Variants in DDRGK1 observed in about 807,000 individuals in gnomAD.
DDRGK1 encodes the protein DDRGK domain-containing protein 1.
DDRGK1 carries 38 observed loss-of-function variants against 45.8 expected under a neutral mutation model. That is an observed-to-expected ratio of 0.83 (90% CI 0.64 to 1.09). DDRGK1 has a LOEUF of 1.09. Ranked by LOEUF, DDRGK1 falls within the 50% of genes least tolerant of loss-of-function variation. The pLI is 0.00. For synonymous variants in DDRGK1, 171 were observed against 168.7 expected, an observed-to-expected ratio of 1.01 and a Z score of -0.11; for missense variants, 403 against 419.9, an observed-to-expected ratio of 0.96 and a Z score of 0.35.
At position 3,204,596 on chromosome 20, in the gene DDRGK1, G is replaced by A. The variant is rs1197012566; in HGVS notation, c.32C>T (p.Ala11Val). The A allele has an allele frequency of 6.3e-7, 1 of 1,589,372 alleles. No homozygotes were observed. The highest frequency in any genetic ancestry group is 2.3e-5 in the East Asian group (1 of 44,100). MVAPVWYLVA[A>V]ALLVGFILFL... ...GAGGATAAAGCCGACTAGCAGAGCC[G>A]CCGCTACCAAGTACCACACAGGCGC... Residue 11 changes from alanine to valine, a missense_variant, in exon 1 of 9, where the codon GCG (alanine) becomes GTG (valine). Transcript: ENST00000354488.
chr20:3,195,990 A>G (rs1247075468), intron 4 of DDRGK1, among the ~76,000 whole-genome samples: 1 of 151,874 alleles, frequency 6.6e-6, no homozygotes, highest in Non-Finnish European at 1.5e-5. Context: ...TTCATCATTC[A>G]GCCCTGCCTC....
chr20:3,199,442 C>CA (rs537639381), intron 4 of DDRGK1, among the ~76,000 whole-genome samples: 7 of 152,182 alleles, frequency 4.6e-5, no homozygotes, highest in Non-Finnish European at 8.8e-5. Flanking sequence ...ACAGGTCAGT[C>CA]AGAGGTCACA....
chr20:3,195,592 C>T (rs897694985), intron 4 of DDRGK1, among the ~76,000 whole-genome samples: 18 of 152,104 alleles, frequency 1.2e-4, no homozygotes, highest in Admixed American at 6.6e-4. Flanking sequence ...TCCCGCCCTC[C>T]GTGCTCAGGG....
At chr20:3,199,926 G>A (rs2067028183) in intron 4 of DDRGK1, 75 bp downstream of exon 4, 1 of 1,381,994 alleles carries the variant, frequency 7.2e-7, no homozygotes, top group Middle Eastern at 1.8e-4. Flanking sequence ...GGTTGGAGGT[G>A]CCAGGGAGCT....
chr20:3,198,352 C>T (rs2067020718), intron 4 of DDRGK1, among the ~76,000 whole-genome samples: 1 of 141,420 alleles, frequency 7.1e-6, no homozygotes, highest in South Asian at 2.3e-4. Context: ...TGCAGTGAGC[C>T]GAGATCGTGC....
At chr20:3,192,457 C>A (rs1398493392) in intron 6 of DDRGK1, among the ~76,000 whole-genome samples, 1 of 152,186 alleles carries the variant, frequency 6.6e-6, no homozygotes. Context: ...GCTGTGGGGG[C>A]CCACTCCTGC....
chr20:3,204,494 G>C (rs2067057066), intron 1 of DDRGK1, 43 bp downstream of exon 1: 2 of 1,532,944 alleles, frequency 1.3e-6, no homozygotes, highest in Non-Finnish European at 1.7e-6. Flanking sequence ...CAGAAGGCCA[G>C]AAAACCCGGT....
chr20:3,191,680 A>C, intron 7 of DDRGK1, 85 bp downstream of exon 7: 1 of 1,451,668 alleles, frequency 6.9e-7, no homozygotes, highest in South Asian at 1.2e-5. Flanking sequence ...CGGTGCATCA[A>C]GACTCTATCT....
chr20:3,194,500 G>C (rs1380173153), intron 6 of DDRGK1, among the ~76,000 whole-genome samples: 1 of 152,250 alleles, frequency 6.6e-6, no homozygotes, highest in Admixed American at 6.5e-5. Flanking sequence ...GCCTCAGTGT[G>C]ACAGAACTGA....
Position 3,203,399 on chromosome 20 carries a change from G to A in DDRGK1, c.109C>T (p.His37Tyr), listed in dbSNP as rs1293963071. The A allele has an allele frequency of 2.5e-6, 4 of 1,584,174 alleles. No individual in the cohort carries two copies. In the African/African-American group the frequency reaches 5.4e-5, roughly 22 times the overall value. The change falls in exon 2 of 9, where the codon CAC (histidine) becomes TAC (tyrosine). Residue 37 changes from histidine to tyrosine, a missense_variant. By Grantham distance (83) the His-to-Tyr change is moderately conservative (BLOSUM62 2). Transcript: ENST00000354488. ...CCTGCTCCTGCCAGCTCCTCATTGTGCAGTGGCTCTTGGCCGGCTGTAGGG... is the reference window on the plus strand; with the variant it reads ...CCTGCTCCTGCCAGCTCCTCATTGTACAGTGGCTCTTGGCCGGCTGTAGGG... ...RAASAGQEPL[H>Y]NEELAGAGRV... is the part of the protein sequence containing the mutation.
At chr20:3,195,061 C>A (rs1285357477) in intron 5 of DDRGK1, among the ~76,000 whole-genome samples, 170 bp downstream of exon 5, 1 of 152,206 alleles carries the variant, frequency 6.6e-6, no homozygotes, top group Non-Finnish European at 1.5e-5. Flanking sequence ...TCGGAGGCAC[C>A]AGCCTCTGCT....
At chr20:3,192,385 G>A (rs1375522583) in intron 6 of DDRGK1, among the ~76,000 whole-genome samples, 1 of 152,206 alleles carries the variant, frequency 6.6e-6, no homozygotes, top group Non-Finnish European at 1.5e-5. Context: ...TGAGACAGGT[G>A]AGTACATGGA....
chr20:3,195,181 G>A (rs6084290), intron 5 of DDRGK1, 50 bp downstream of exon 5: 2 of 1,612,936 alleles, frequency 1.2e-6, no homozygotes, highest in South Asian at 1.1e-5. Flanking sequence ...GTCTGGCACA[G>A]GCTGCACTGA....
chr20:3,204,673 G>C lies in DDRGK1; in HGVS notation c.-46C>G, dbSNP rs964680661. On this transcript the variant is annotated 5_prime_UTR_variant, in exon 1 of 9. The change creates a new upstream start codon in the 5' untranslated region. Transcript: ENST00000354488. ...ACCACTGCGTCCACCCTGAGGCCGG[G>C]ATCTCATAGGCCCCGCCCCTATTTC... 4.6e-6 allele frequency: 7 copies of C among 1,527,060 alleles called. No homozygotes were observed. Among genetic ancestry groups the C allele is most frequent in the Non-Finnish European group, 5.3e-6 (6 of 1,135,398 alleles). The allele number at this position is 1,527,060 out of a possible 1,614,324, so 94.6% of individuals were successfully genotyped here. A position where few individuals can be genotyped will look rare whatever the true frequency, so the allele number is the denominator to read the frequency against.
intron 6 of DDRGK1, among the ~76,000 whole-genome samples, chr20:3,193,559 T>C (rs1301487958): frequency 6.6e-6 from 1 of 152,044 alleles, no homozygotes; most frequent in African/African-American, 2.4e-5. Flanking sequence ...TTAGCAGAGA[T>C]GGGGTTTCAG....
In DDRGK1 at chr20:3,194,871, A is replaced by G. The variant is rs776556892; in HGVS notation, c.634-3T>C. 2.5e-6 allele frequency: 4 copies of G among 1,614,024 alleles called. No individual in the cohort carries two copies. The highest frequency in any genetic ancestry group is 3.4e-6 in the Non-Finnish European group (4 of 1,179,942). ...AACTCTGTCAGGAAGCTCTGGGACT[A>G]GAGAAGCAGAGAAATCAGGGTGAGC... On this transcript the variant is annotated splice_polypyrimidine_tract_variant and splice_region_variant and intron_variant, in intron 5 of 8. Coordinates refer to ENST00000354488, the MANE Select transcript of DDRGK1 (RefSeq NM_023935.3).
rs2067050737 is a variant in DDRGK1, at chr20:3,203,415, G to A, written c.93C>T (p.Ala31=). Residue 31 remains alanine, a splice_region_variant and synonymous_variant, in exon 2 of 9, where the codon GCC becomes GCT. Transcript: ENST00000354488. The part of the protein sequence containing the change: ...LTRSRGRAAS[A]GQEPLHNEEL... ...CCTCATTGTGCAGTGGCTCTTGGCCGGCTGTAGGGAAGACAGAAATGACAA... is the reference window on the plus strand; with the variant it reads ...CCTCATTGTGCAGTGGCTCTTGGCCAGCTGTAGGGAAGACAGAAATGACAA... 7.7e-6 allele frequency: 12 copies of A among 1,558,196 alleles called. No individual in the cohort carries two copies. The highest frequency in any genetic ancestry group is 1.0e-5 in the Non-Finnish European group (12 of 1,152,970).
intron 2 of DDRGK1, 85 bp from the exon 3 acceptor site, chr20:3,200,539 A>T: frequency 3.3e-6 from 4 of 1,220,392 alleles, no homozygotes; most frequent in Non-Finnish European, 4.7e-6. Flanking sequence ...TCCCTCCCCT[A>T]ACAGGGGGAT....
At chr20:3,204,403 G>C (rs2067056236) in intron 1 of DDRGK1, 134 bp downstream of exon 1, 4 of 881,338 alleles carry the variant, frequency 4.5e-6, no homozygotes, top group Admixed American at 5.3e-5. Flanking sequence ...CCCGGCACAC[G>C]ACTAGCGCAC....
Sources: allele counts gnomAD v4.1 joint callset (sites outside exome capture counted in the v4.1 genomes callset), GRCh38; gene constraint gnomAD v4.1.1; transcripts MANE v1.5; gene names NCBI Gene and HGNC (gene_info 2026-07-23, HGNC 2026-07-21).